The following DLGAP2 variants were observed in gnomAD, a reference collection of about 807,000 sequenced individuals.
The protein encoded by DLGAP2 is DLG associated protein 2.
In DLGAP2, 26 loss-of-function variants were observed where a neutral mutation model predicts 100.3. The observed-to-expected ratio is 0.26, with a 90% CI of 0.19 to 0.36. The LOEUF (loss-of-function observed/expected upper bound fraction) is 0.36, where lower values mean the gene tolerates loss of function less well. DLGAP2 is among the 10% of genes least tolerant of loss of function. The pLI is 1.00. For synonymous variants in DLGAP2, 886 were observed against 630.1 expected (o/e 1.41, Z -6.08); for missense variants, 1,858 against 1,453.2 (o/e 1.28, Z -4.53).
At chr8:746,990 C>T (rs1022531101) in intron 1 of DLGAP2, among the ~76,000 whole-genome samples, 1 of 152,156 alleles carries the variant, frequency 6.6e-6, no homozygotes, top group Non-Finnish European at 1.5e-5. Flanking sequence ...CCTCCCCTCA[C>T]ATCTCACCAT....
chr8:1,601,773 T>G (rs1388468044), intron 6 of DLGAP2, among the ~76,000 whole-genome samples: 1 of 152,192 alleles, frequency 6.6e-6, no homozygotes, highest in African/African-American at 2.4e-5. Flanking sequence ...TCTCGTAGCT[T>G]AGGGTCTTTG....
chr8:968,596 A>G (rs1012401058), intron 2 of DLGAP2, among the ~76,000 whole-genome samples: 1 of 152,202 alleles, frequency 6.6e-6, no homozygotes, highest in African/African-American at 2.4e-5. Flanking sequence ...AGCCAGCGCC[A>G]TGAGTGCATC....
At chr8:867,351 A>G (rs1797517633) in intron 1 of DLGAP2, among the ~76,000 whole-genome samples, 2 of 152,232 alleles carry the variant, frequency 1.3e-5, no homozygotes, top group South Asian at 4.1e-4. Context: ...AGCAAAAATA[A>G]ACCCTTTAAG....
chr8:1,337,375 ATGATGG>A (rs1259722433), intron 3 of DLGAP2, among the ~76,000 whole-genome samples: 1 of 3,244 alleles, frequency 3.1e-4, no homozygotes, highest in Admixed American at 2.7e-3. Flanking sequence ...GACAGTGATG[ATGATGG>A]TGATGGTGAG....
chr8:1,540,762 C>A lies in DLGAP2; in HGVS notation c.173-7864C>A, dbSNP rs955930432. On this transcript the variant is annotated intron_variant, in intron 4 of 14. Coordinates refer to ENST00000637795, the MANE Select transcript of DLGAP2 (RefSeq NM_001346810.2). ...TGCTTCCTCTCAGAAGCTGCCTGTA[C>A]CTTCTGGAAATATGAAATATGGCAA... Among the ~76,000 whole-genome samples the A allele has an allele frequency of 2.6e-5, 4 of 152,214 alleles. No homozygotes were observed. In the South Asian group the frequency reaches 8.3e-4, roughly 32 times the overall value.
At chr8:1,531,899 A>C (rs1327547282) in intron 4 of DLGAP2, among the ~76,000 whole-genome samples, 2 of 152,350 alleles carry the variant, frequency 1.3e-5, no homozygotes, top group African/African-American at 4.8e-5. Context: ...CACCCGTGAC[A>C]CAGCCTCAAG....
chr8:1,204,786 G>A (rs894783537), intron 2 of DLGAP2, among the ~76,000 whole-genome samples: 14 of 152,160 alleles, frequency 9.2e-5, no homozygotes, highest in Non-Finnish European at 1.8e-4. Context: ...TGAATAAGAG[G>A]TTCTTAGGGG....
chr8:1,445,059 C>T (rs1418797113), intron 3 of DLGAP2, among the ~76,000 whole-genome samples: 3 of 144,822 alleles, frequency 2.1e-5, no homozygotes, highest in Non-Finnish European at 3.0e-5. Flanking sequence ...CATGAGCCAC[C>T]GCGCCCAGCC....
chr8:1,637,071 C>T (rs558494545), intron 8 of DLGAP2, among the ~76,000 whole-genome samples: 6 of 152,168 alleles, frequency 3.9e-5, no homozygotes, highest in South Asian at 4.1e-4. Context: ...CGGCTGGCTC[C>T]GCAGGCAGGA....
At chr8:924,645 C>T (rs1012846390) in intron 2 of DLGAP2, among the ~76,000 whole-genome samples, 26 of 151,608 alleles carry the variant, frequency 1.7e-4, no homozygotes, top group African/African-American at 6.3e-4. Context: ...TGCAATGGCG[C>T]GATCTCTGGT....
intron 3 of DLGAP2, among the ~76,000 whole-genome samples, chr8:1,304,428 T>C (rs1480061243): frequency 6.6e-6 from 1 of 152,186 alleles, no homozygotes; most frequent in Non-Finnish European, 1.5e-5. Context: ...CATGAGATTT[T>C]TTAAAAAATG....
At chr8:754,698 C>T (rs1363392168) in intron 1 of DLGAP2, among the ~76,000 whole-genome samples, 1 of 152,190 alleles carries the variant, frequency 6.6e-6, no homozygotes, top group Admixed American at 6.5e-5. Context: ...AAATAATTAG[C>T]CAGGCATGGT....
At chr8:1,144,175 C>T (rs535983349) in intron 2 of DLGAP2, among the ~76,000 whole-genome samples, 1 of 152,340 alleles carries the variant, frequency 6.6e-6, no homozygotes, top group South Asian at 2.1e-4. Flanking sequence ...AGGGGAATGG[C>T]TTCCAGCGGG....
intron 2 of DLGAP2, among the ~76,000 whole-genome samples, chr8:1,134,537 T>TTAAA (rs1796363927): frequency 2.7e-5 from 3 of 110,120 alleles, no homozygotes; most frequent in African/African-American, 1.1e-4. Flanking sequence ...TTTGCATTAA[T>TTAAA]TAATGATAGA....
intron 2 of DLGAP2, among the ~76,000 whole-genome samples, chr8:1,201,606 A>G (rs1585147001): frequency 6.6e-6 from 1 of 152,188 alleles, no homozygotes; most frequent in African/African-American, 2.4e-5. Context: ...AGGGGTAGAC[A>G]CAGGTGCAGC....
chr8:1,165,923 G>C (rs1413736215), intron 2 of DLGAP2, among the ~76,000 whole-genome samples: 1 of 151,354 alleles, frequency 6.6e-6, no homozygotes, highest in Non-Finnish European at 1.5e-5. Flanking sequence ...AGATTTTGTT[G>C]GTTGCTGTTT....
intron 2 of DLGAP2, among the ~76,000 whole-genome samples, chr8:1,097,007 G>A (rs1212430428): frequency 1.4e-5 from 2 of 147,982 alleles, no homozygotes; most frequent in Non-Finnish European, 3.0e-5. Flanking sequence ...CCTGTGCTCA[G>A]GAGAGTCAAG....
intron 2 of DLGAP2, among the ~76,000 whole-genome samples, chr8:1,242,018 A>G (rs1171559750): frequency 6.6e-6 from 1 of 152,238 alleles, no homozygotes; most frequent in Non-Finnish European, 1.5e-5. Flanking sequence ...AATGGTACGC[A>G]GGTAGACTTG....
intron 3 of DLGAP2, among the ~76,000 whole-genome samples, chr8:1,450,457 T>A (rs866739579): frequency 3.1e-4 from 42 of 134,768 alleles, no homozygotes; most frequent in South Asian, 5.1e-4. Flanking sequence ...TCGGTGGCTG[T>A]GGCTGAGGCT....
Sources: gnomAD v4.1 joint callset for allele counts (sites outside exome capture counted in the v4.1 genomes callset) on GRCh38, gnomAD v4.1.1 for gene constraint, MANE v1.5 for transcripts, NCBI Gene and HGNC (gene_info 2026-07-23, HGNC 2026-07-21) for gene names.